Variants in CFAP69 observed in about 807,000 individuals in gnomAD.
CFAP69 encodes the protein cilia- and flagella-associated protein 69.
In CFAP69, 92 loss-of-function variants were observed where a neutral mutation model predicts 123.0. The observed-to-expected ratio is 0.75, with a 90% confidence interval of 0.63 to 0.89. The LOEUF is 0.89. Among genes scored for constraint, CFAP69 ranks in the 40% least tolerant of loss-of-function variants. The pLI is 0.00. For missense variants in CFAP69, 1,067 were observed against 1,096.9 expected (o/e 0.97, Z 0.39); for synonymous variants, 380 against 364.3 (o/e 1.04, Z -0.49).
intron 1 of CFAP69, among the ~76,000 whole-genome samples, chr7:90,246,668 G>A (rs888024577): frequency 1.3e-5 from 2 of 152,144 alleles, no homozygotes; most frequent in Non-Finnish European, 2.9e-5. Context: ...CCACTCCCTG[G>A]GCTGCAAGAA....
At chr7:90,287,513 A>G (rs1790479052) in intron 14 of CFAP69, 4 of 985,336 alleles carry the variant, frequency 4.1e-6, no homozygotes, top group Middle Eastern at 5.2e-4. Context: ...TCCATAGTGA[A>G]CTCTGAGTCT....
chr7:90,273,871 G>C (rs956766144), intron 8 of CFAP69, 116 bp from the exon 9 acceptor site: 1 of 728,594 alleles, frequency 1.4e-6, no homozygotes, highest in Non-Finnish European at 2.1e-6. Context: ...CCTCCCTAAG[G>C]CCTCACTCCT....
At chr7:90,304,241 C>A in intron 18 of CFAP69, 135 bp downstream of exon 18, 1 of 1,384,446 alleles carries the variant, frequency 7.2e-7, no homozygotes, top group Non-Finnish European at 9.3e-7. Flanking sequence ...ATTGTTACCC[C>A]AATTCCCAAA....
chr7:90,263,456 A>G (rs1181524702), intron 4 of CFAP69, among the ~76,000 whole-genome samples: 1 of 152,190 alleles, frequency 6.6e-6, no homozygotes, highest in East Asian at 1.9e-4. Context: ...TAATTTTTTC[A>G]TAAACTTTTT....
intron 19 of CFAP69, 72 bp downstream of exon 19, chr7:90,304,892 A>G (rs1316659125): frequency 9.4e-6 from 10 of 1,067,242 alleles, no homozygotes; most frequent in Non-Finnish European, 1.4e-5. Flanking sequence ...TAAAATATCT[A>G]TTCATGGTTG....
intron 16 of CFAP69, 125 bp downstream of exon 16, chr7:90,297,955 G>A (rs1021785170): frequency 4.1e-5 from 25 of 609,912 alleles, no homozygotes; most frequent in African/African-American, 2.2e-4. Flanking sequence ...TCAAAGGTAC[G>A]GTCTTAAACA....
chr7:90,275,778 AT>A (rs898385210), intron 9 of CFAP69, among the ~76,000 whole-genome samples: 2 of 150,886 alleles, frequency 1.3e-5, no homozygotes. Context: ...ATTTTTTCGT[AT>A]TTTTAGTAGA....
chr7:90,264,565 G>A (rs1798862042), intron 4 of CFAP69, among the ~76,000 whole-genome samples: 1 of 152,030 alleles, frequency 6.6e-6, no homozygotes, highest in Non-Finnish European at 1.5e-5. Flanking sequence ...TTACTGGTGA[G>A]CTTAGATCTA....
chr7:90,283,078 T>TA (rs1789730178), intron 13 of CFAP69, 22 bp downstream of exon 13: 1 of 1,455,498 alleles, frequency 6.9e-7, no homozygotes, highest in East Asian at 2.6e-5. Flanking sequence ...CATGGTGGTT[T>TA]ACTGATGAAA....
intron 5 of CFAP69, among the ~76,000 whole-genome samples, chr7:90,265,718 A>G (rs769494198): frequency 6.6e-6 from 1 of 152,220 alleles, no homozygotes; most frequent in Non-Finnish European, 1.5e-5. Flanking sequence ...AAACATTTCA[A>G]CTTTGAACTC....
downstream of CFAP69, chr7:90,312,346 G>A (rs1794410232): frequency 6.6e-6 from 1 of 152,116 alleles, no homozygotes; most frequent in Middle Eastern, 3.2e-3. Context: ...ATATAACCAA[G>A]GTGTGGAAAT....
At position 90,288,351 on chromosome 7, in the gene CFAP69, T is replaced by C. The variant is rs1562898234; in HGVS notation, c.1774T>C (p.Trp592Arg). The change falls in exon 15 of 23, where the codon TGG becomes CGG. Residue 592 changes from tryptophan to arginine, a missense_variant and splice_region_variant. By Grantham distance (101) the Trp-to-Arg change is moderately radical. Coordinates refer to ENST00000389297, the MANE Select transcript of CFAP69 (RefSeq NM_001039706.3). ...TCTTTTTAGTACATTGGACAGCATT[T>C]GGTGAGTATTGCTATAATCAAATTA... is the stretch of plus-strand genomic sequence containing the variant. ...VLLFSTLDSI[W>R]CCILGCYPSE... 1 of 1,609,878 alleles carries C rather than the reference T, an allele frequency of 6.2e-7. No homozygotes were observed. The highest frequency in any genetic ancestry group is 2.2e-5 in the East Asian group (1 of 44,746).
At chr7:90,271,086 T>A (rs1236511044) in intron 6 of CFAP69, among the ~76,000 whole-genome samples, 1 of 151,410 alleles carries the variant, frequency 6.6e-6, no homozygotes, top group East Asian at 1.9e-4. Context: ...TTTTCCATTA[T>A]TGAAAGTCAT....
chr7:90,253,744 C>A (rs181526817), intron 1 of CFAP69, among the ~76,000 whole-genome samples: 113 of 152,232 alleles, frequency 7.4e-4, no homozygotes, highest in Non-Finnish European at 1.4e-3. Flanking sequence ...AATCCCTTGT[C>A]AGATGGATAG....
intron 13 of CFAP69, among the ~76,000 whole-genome samples, 168 bp from the exon 14 acceptor site, chr7:90,286,113 G>A (rs1027741412): frequency 6.6e-6 from 1 of 152,096 alleles, no homozygotes; most frequent in Non-Finnish European, 1.5e-5. Flanking sequence ...ATTAGCCTAG[G>A]CAACATAATG....
chr7:90,292,974 G>A (rs1245917531), intron 15 of CFAP69, among the ~76,000 whole-genome samples: 2 of 152,104 alleles, frequency 1.3e-5, no homozygotes, highest in African/African-American at 4.8e-5. Context: ...ATTGTTTGTG[G>A]ATGACAAAAC....
intron 2 of CFAP69, among the ~76,000 whole-genome samples, chr7:90,257,167 G>A (rs994529084): frequency 6.6e-6 from 1 of 152,086 alleles, no homozygotes; most frequent in East Asian, 1.9e-4. Context: ...TGTATATATG[G>A]TACCCATGTG....
intron 1 of CFAP69, among the ~76,000 whole-genome samples, chr7:90,249,186 T>G (rs562234620): frequency 6.6e-6 from 1 of 152,286 alleles, no homozygotes; most frequent in East Asian, 1.9e-4. Flanking sequence ...CCCCATGCTG[T>G]TCTCATGATA....
intron 3 of CFAP69, among the ~76,000 whole-genome samples, chr7:90,261,247 G>T (rs1798289121): frequency 1.3e-5 from 2 of 152,126 alleles, no homozygotes; most frequent in African/African-American, 2.4e-5. Context: ...AGCGAATTTT[G>T]TATTTTTAGT....
Sources: allele counts gnomAD v4.1 joint callset (sites outside exome capture counted in the v4.1 genomes callset), GRCh38; gene constraint gnomAD v4.1.1; transcripts MANE v1.5; gene names NCBI Gene and HGNC (gene_info 2026-07-23, HGNC 2026-07-21).